Variants in PIK3C2G observed in about 807,000 individuals in gnomAD.
The protein encoded by PIK3C2G is phosphatidylinositol 3-kinase C2 domain-containing subunit gamma.
PIK3C2G carries 168 observed loss-of-function variants against 181.1 expected under a neutral mutation model. That is an observed-to-expected ratio of 0.93 (90% CI 0.82 to 1.05). The LOEUF is 1.05. Among genes scored for constraint, PIK3C2G ranks in the 50% least tolerant of loss-of-function variants. PIK3C2G has a pLI of 0.00. For missense variants in PIK3C2G, 1,869 were observed against 1,732.8 expected, an observed-to-expected ratio of 1.08 and a Z score of -1.40; for synonymous variants, 573 against 592.2, an observed-to-expected ratio of 0.97 and a Z score of 0.47.
chr12:18,530,286 C>T (rs1430677598), intron 24 of PIK3C2G, among the ~76,000 whole-genome samples: 1 of 152,164 alleles, frequency 6.6e-6, no homozygotes, highest in Non-Finnish European at 1.5e-5. Flanking sequence ...TGAAGTCAGT[C>T]CTTCCATCTG....
intron 18 of PIK3C2G, among the ~76,000 whole-genome samples, chr12:18,455,910 A>G (rs1947600821): frequency 6.6e-6 from 1 of 152,164 alleles, no homozygotes; most frequent in Non-Finnish European, 1.5e-5. Flanking sequence ...CTTTAAAGAA[A>G]AAAATAGACT....
chr12:18,331,837 G>C (rs75218339), intron 8 of PIK3C2G, among the ~76,000 whole-genome samples: 1 of 151,952 alleles, frequency 6.6e-6, no homozygotes, highest in Non-Finnish European at 1.5e-5. Flanking sequence ...GGTTGAAAAA[G>C]CTTCCTTCTA....
In PIK3C2G at chr12:18,497,778, C is replaced by T. The variant is rs767713533; in HGVS notation, c.3016+30C>T. ...GTATAGATTAGAAAGTGCGCTGGCT[C>T]ACATTATTTATTTCACACATTCACT... On this transcript the variant is annotated intron_variant, in intron 22 of 32. Coordinates refer to ENST00000538779, the MANE Select transcript of PIK3C2G (RefSeq NM_001288772.2). 9.2e-6 allele frequency: 14 copies of T among 1,524,364 alleles called. No individual in the cohort carries two copies. In the South Asian group the frequency reaches 1.8e-4, roughly 19 times the overall value. The allele number at this position is 1,524,364 out of a possible 1,614,324, so 94.4% of individuals were successfully genotyped here. A position where few individuals can be genotyped will look rare whatever the true frequency, so the allele number is the denominator to read the frequency against.
At chr12:18,336,025 C>A (rs1179961672) in intron 8 of PIK3C2G, among the ~76,000 whole-genome samples, 1 of 151,904 alleles carries the variant, frequency 6.6e-6, no homozygotes, top group Admixed American at 6.6e-5. Flanking sequence ...AAACATAGAA[C>A]CTAATATGAC....
the PIK3C2G span, among the ~76,000 whole-genome samples, chr12:18,674,763 T>C: frequency 6.6e-6 from 1 of 152,188 alleles, no homozygotes; most frequent in Non-Finnish European, 1.5e-5. Flanking sequence ...TGATGTTGTA[T>C]GACTTCTGTA....
At chr12:18,484,937 G>A (rs139609216) in intron 18 of PIK3C2G, among the ~76,000 whole-genome samples, 391 of 152,200 alleles carry the variant, frequency 2.6e-3, no homozygotes, top group Admixed American at 7.2e-3. Context: ...CCTGATCCAC[G>A]TACCTCAGCC....
intron 30 of PIK3C2G, among the ~76,000 whole-genome samples, chr12:18,604,153 C>T (rs1947886538): frequency 6.6e-6 from 1 of 152,102 alleles, no homozygotes; most frequent in African/African-American, 2.4e-5. Flanking sequence ...GGAGACTCAC[C>T]TAACACATAA....
At chr12:18,562,015 A>ATAGC (rs1216121049) in intron 26 of PIK3C2G, among the ~76,000 whole-genome samples, 4 of 152,228 alleles carry the variant, frequency 2.6e-5, no homozygotes, top group Admixed American at 2.6e-4. Context: ...AAGTATGGGA[A>ATAGC]TAGCTACTAG....
At chr12:18,702,818 C>T in the PIK3C2G span, among the ~76,000 whole-genome samples, 1 of 116,590 alleles carries the variant, frequency 8.6e-6, no homozygotes, top group African/African-American at 3.4e-5. Flanking sequence ...GATAAAGTAA[C>T]TTTTTTTTTT....
chr12:18,623,474 C>A (rs910562645), intron 31 of PIK3C2G, among the ~76,000 whole-genome samples: 2 of 151,724 alleles, frequency 1.3e-5, no homozygotes, highest in South Asian at 4.2e-4. Context: ...TAGTATGATG[C>A]CTCAGGGTTT....
At chr12:18,595,681 G>C (rs1947323481) in intron 30 of PIK3C2G, among the ~76,000 whole-genome samples, 1 of 152,126 alleles carries the variant, frequency 6.6e-6, no homozygotes, top group African/African-American at 2.4e-5. Context: ...AGGGCCAGCT[G>C]TATCCACTTG....
At chr12:18,651,279 C>T (rs577002795), downstream of PIK3C2G, among the ~76,000 whole-genome samples, 1 of 152,166 alleles carries the variant, frequency 6.6e-6, no homozygotes, top group Admixed American at 6.6e-5. Flanking sequence ...TCTCTCAAAT[C>T]CTGCTCAGAT....
chr12:18,415,718 G>A (rs1475065651), intron 16 of PIK3C2G, among the ~76,000 whole-genome samples: 1 of 152,192 alleles, frequency 6.6e-6, no homozygotes, highest in African/African-American at 2.4e-5. Context: ...GTTCTTGGAG[G>A]AAATTAGAAG....
the PIK3C2G span, among the ~76,000 whole-genome samples, chr12:18,686,605 T>C: frequency 6.6e-6 from 1 of 152,034 alleles, no homozygotes; most frequent in East Asian, 1.9e-4. Context: ...CCCCAATCTC[T>C]AAAAAATTCT....
intron 30 of PIK3C2G, among the ~76,000 whole-genome samples, chr12:18,597,970 T>TACA (rs1947471593): frequency 1.3e-5 from 2 of 151,966 alleles, no homozygotes; most frequent in African/African-American, 2.4e-5. Flanking sequence ...CAAGGAGAAC[T>TACA]ACAAACCACT....
the PIK3C2G span, among the ~76,000 whole-genome samples, chr12:18,653,772 A>G: frequency 1.3e-5 from 2 of 152,144 alleles, no homozygotes; most frequent in Non-Finnish European, 2.9e-5. Context: ...TACAGCTGCA[A>G]TTATAGGAGG....
rs71461095 is a variant in PIK3C2G, at chr12:18,515,902, G to T, written c.3323+10441G>T. 5.5e-3 allele frequency among the ~76,000 whole-genome samples: 837 copies of T among 151,732 alleles called. 4 individuals are homozygous for T. The highest frequency in any genetic ancestry group is 9.1e-3 in the Non-Finnish European group (618 of 67,836). On this transcript the variant is annotated intron_variant, in intron 24 of 32. Transcript: ENST00000538779. ...TTGCTATATCCCACAGATTCTAGTA[G>T]GTTGTGTTTCCATTTGAACTTGCCT...
At chr12:18,703,880 A>C in the PIK3C2G span, among the ~76,000 whole-genome samples, 5,413 of 152,300 alleles carry the variant, frequency 0.036, 131 homozygotes, top group East Asian at 0.08. Flanking sequence ...AATAAGGAAA[A>C]TACAGAGGGC....
intron 5 of PIK3C2G, among the ~76,000 whole-genome samples, chr12:18,305,856 C>G (rs1156993908): frequency 1.3e-5 from 2 of 151,704 alleles, no homozygotes; most frequent in Non-Finnish European, 1.5e-5. Flanking sequence ...ATACCATACC[C>G]CCCACAAAAA....
Sources: gnomAD v4.1 joint callset for allele counts (sites outside exome capture counted in the v4.1 genomes callset) on GRCh38, gnomAD v4.1.1 for gene constraint, MANE v1.5 for transcripts, NCBI Gene and HGNC (gene_info 2026-07-23, HGNC 2026-07-21) for gene names.